SNX29: variants seen among roughly 807,000 people sequenced by gnomAD.
SNX29 encodes sorting nexin 29.
Under a neutral mutation model 102.1 loss-of-function variants are expected in SNX29, and 78 were observed. The observed-to-expected ratio is 0.76, with a 90% CI of 0.64 to 0.92. The LOEUF is 0.92. SNX29 is among the 40% of genes least tolerant of loss of function. The pLI, the probability that SNX29 is intolerant of heterozygous loss-of-function variation, is 0.00. For missense variants in SNX29, 1,280 were observed against 1,061.7 expected, an observed-to-expected ratio of 1.21 and a Z score of -2.86; for synonymous variants, 580 against 414.5, an observed-to-expected ratio of 1.40 and a Z score of -4.85.
chr16:12,264,986 T>A (rs915179312), intron 14 of SNX29, among the ~76,000 whole-genome samples: 6 of 152,208 alleles, frequency 3.9e-5, no homozygotes, highest in African/African-American at 1.4e-4. Context: ...CCCAGATACA[T>A]CTGCTGTTTG....
chr16:12,150,026 G>T (rs34892961), intron 13 of SNX29, among the ~76,000 whole-genome samples: 3 of 152,166 alleles, frequency 2.0e-5, no homozygotes, highest in African/African-American at 7.2e-5. Flanking sequence ...GAACGATTGA[G>T]GGTGGGGTTT....
chr16:12,385,719 G>A lies in SNX29; in HGVS notation c.1900-12727G>A, dbSNP rs552238048. Among the ~76,000 whole-genome samples, 11 of 152,332 alleles carry A rather than the reference G, an allele frequency of 7.2e-5. No homozygotes were observed. In the South Asian group the frequency reaches 2.3e-3, roughly 32 times the overall value. On this transcript the variant is annotated intron_variant, in intron 16 of 20. Coordinates refer to ENST00000566228, the MANE Select transcript of SNX29 (RefSeq NM_032167.5). The stretch of plus-strand genomic sequence containing the variant: ...AGGCCACTTAGCTATATCGACAACT[G>A]ACAATAATAGGCATAGAGTGACAGA...
chr16:12,121,430 A>C (rs183828710), intron 11 of SNX29, among the ~76,000 whole-genome samples: 3 of 152,382 alleles, frequency 2.0e-5, no homozygotes, highest in African/African-American at 7.2e-5. Context: ...CCCTGTGGCC[A>C]TGCGGTCACT....
chr16:12,400,061 G>A (rs948195651), intron 17 of SNX29, among the ~76,000 whole-genome samples: 8 of 152,150 alleles, frequency 5.3e-5, no homozygotes, highest in African/African-American at 1.4e-4. Flanking sequence ...CCCTCAAGTG[G>A]TCTCTGCCTG....
intron 14 of SNX29, among the ~76,000 whole-genome samples, chr16:12,266,862 C>T (rs2078944187): frequency 6.6e-6 from 1 of 152,142 alleles, no homozygotes; most frequent in Non-Finnish European, 1.5e-5. Context: ...CCCCTGGGTT[C>T]AAGTGATTCT....
chr16:12,271,683 C>T (rs529123436), intron 14 of SNX29, among the ~76,000 whole-genome samples: 2 of 151,314 alleles, frequency 1.3e-5, no homozygotes, highest in Non-Finnish European at 2.9e-5. Context: ...AGTGCAGTGG[C>T]GTGATCTCAG....
rs1002855162 is a variant in SNX29 at position 12,117,264 on chromosome 16, T to C, written c.1403-9369T>C. Among the ~76,000 whole-genome samples, 123 of 140,698 alleles carry C rather than the reference T, an allele frequency of 8.7e-4. 1 individual carries two copies. Among genetic ancestry groups the C allele is most frequent in the African/African-American group, 2.4e-3 (86 of 36,514 alleles). 92.3% of individuals were successfully genotyped at this position (140,698 alleles called of 152,430 possible). Reference sequence around the variant, plus strand: ...TGCGGACGAACCGTGGAAACAGGCGTGGTCAATACGTGCTTCAACGCGGAC... The same window carrying C: ...TGCGGACGAACCGTGGAAACAGGCGCGGTCAATACGTGCTTCAACGCGGAC... On this transcript the variant is annotated intron_variant, in intron 11 of 20. Coordinates refer to ENST00000566228, the MANE Select transcript of SNX29 (RefSeq NM_032167.5).
chr16:12,392,156 C>T (rs1328443034), intron 16 of SNX29, among the ~76,000 whole-genome samples: 2 of 152,200 alleles, frequency 1.3e-5, no homozygotes, highest in East Asian at 3.8e-4. Flanking sequence ...TGTCATTTGA[C>T]ATTATATCTT....
intron 14 of SNX29, among the ~76,000 whole-genome samples, chr16:12,272,559 A>G (rs550078356): frequency 2.0e-5 from 3 of 152,254 alleles, no homozygotes; most frequent in African/African-American, 2.4e-5. Flanking sequence ...TCTAAGTCCC[A>G]TGGCTAAGTG....
intron 20 of SNX29, among the ~76,000 whole-genome samples, chr16:12,526,332 C>T (rs898085032): frequency 2.0e-5 from 3 of 152,066 alleles, no homozygotes; most frequent in Admixed American, 6.5e-5. Flanking sequence ...CCCAGCGGTA[C>T]CATCCAGATC....
At chr16:12,208,306 G>A (rs774269681) in intron 14 of SNX29, among the ~76,000 whole-genome samples, 14 of 152,156 alleles carry the variant, frequency 9.2e-5, no homozygotes, top group Non-Finnish European at 1.8e-4. Flanking sequence ...GTGGCTGGTC[G>A]GCCAGCTCTG....
rs1348691144 is a variant in SNX29, at chr16:12,572,906, A to C, written c.*4277A>C. On this transcript the variant is annotated 3_prime_UTR_variant, in exon 21 of 21. Coordinates refer to ENST00000566228, the MANE Select transcript of SNX29 (RefSeq NM_032167.5). ...CTGCCTTGGCATTTCGCTCGGAATC[A>C]CGGCAGACTTGGAGTGTTTCTTCAA... is the stretch of plus-strand genomic sequence containing the variant. 1 of 1,019,232 alleles carries C rather than the reference A, an allele frequency of 9.8e-7. No individual in the cohort carries two copies. The highest frequency in any genetic ancestry group is 1.7e-5 in the African/African-American group (1 of 59,978). The allele number at this position is 1,019,232 out of a possible 1,614,324, so 63.1% of individuals were successfully genotyped here.
intron 13 of SNX29, among the ~76,000 whole-genome samples, chr16:12,176,410 A>AC (rs2041034622): frequency 6.6e-6 from 1 of 152,136 alleles, no homozygotes; most frequent in Non-Finnish European, 1.5e-5. Flanking sequence ...TGTTCCAGAA[A>AC]CTATGTCTAG....
chr16:12,054,223 C>T (rs1242526219), intron 8 of SNX29, among the ~76,000 whole-genome samples: 1 of 152,230 alleles, frequency 6.6e-6, no homozygotes, highest in African/African-American at 2.4e-5. Context: ...GCCTTGGCCT[C>T]CCAAAGTGCT....
chr16:12,539,782 A>T (rs1166177316), intron 20 of SNX29, among the ~76,000 whole-genome samples: 2 of 152,228 alleles, frequency 1.3e-5, no homozygotes, highest in Non-Finnish European at 2.9e-5. Flanking sequence ...CCTAATGAGT[A>T]ATGATGTTGA....
At chr16:12,114,539 G>C (rs1251382038) in intron 11 of SNX29, among the ~76,000 whole-genome samples, 1 of 151,756 alleles carries the variant, frequency 6.6e-6, no homozygotes, top group South Asian at 2.1e-4. Context: ...CAGATGGCCC[G>C]TGTTTCAGTC....
chr16:12,223,749 C>T (rs1315587544), intron 14 of SNX29, among the ~76,000 whole-genome samples: 2 of 152,200 alleles, frequency 1.3e-5, no homozygotes, highest in African/African-American at 4.8e-5. Flanking sequence ...AGCGCTTCTG[C>T]ATGTGATGAG....
In SNX29 at chr16:12,572,212, A is replaced by G. The variant is rs892337369; in HGVS notation, c.*3583A>G. On this transcript the variant is annotated 3_prime_UTR_variant, in exon 21 of 21. Transcript: ENST00000566228. ...TGGCAGGTAGTATTGTGCTTTAAAA[A>G]CCAGAGGCTCCTGAAAGTCGTTTAC... 5.3e-5 allele frequency: 53 copies of G among 997,864 alleles called. 1 individual carries two copies. The African/African-American group carries it at 7.9e-4, about 15-fold the overall frequency. 61.8% of individuals were successfully genotyped at this position (997,864 alleles called of 1,614,324 possible).
At chr16:12,253,414 T>G (rs2078477959) in intron 14 of SNX29, among the ~76,000 whole-genome samples, 1 of 152,150 alleles carries the variant, frequency 6.6e-6, no homozygotes, top group South Asian at 2.1e-4. Context: ...AAACTAAGGA[T>G]GTATAGCGTG....
Sources: gnomAD v4.1 joint callset for allele counts (sites outside exome capture counted in the v4.1 genomes callset) on GRCh38, gnomAD v4.1.1 for gene constraint, MANE v1.5 for transcripts, NCBI Gene and HGNC (gene_info 2026-07-23, HGNC 2026-07-21) for gene names.